The following ANO10 variants were observed in gnomAD, a reference collection of about 807,000 sequenced individuals.
The protein encoded by ANO10 is anoctamin 10, also known as anoctamin-10.
Under a neutral mutation model 74.7 loss-of-function variants are expected in ANO10, and 77 were observed. The observed-to-expected ratio is 1.03, with a 90% CI of 0.86 to 1.25. ANO10 has a LOEUF of 1.25. ANO10 is among the 50% of genes most tolerant of loss of function. The probability of loss-of-function intolerance (pLI) is 0.00; values close to 1 mark genes in which losing one functional copy is unlikely to be tolerated. For synonymous variants in ANO10, 279 were observed against 284.9 expected (o/e 0.98, Z 0.21); for missense variants, 721 against 778.1 (o/e 0.93, Z 0.87).
At chr3:43,642,625 T>C (rs2083681763) in intron 1 of ANO10, among the ~76,000 whole-genome samples, 1 of 152,142 alleles carries the variant, frequency 6.6e-6, no homozygotes, top group Admixed American at 6.6e-5. Flanking sequence ...CACGAAAAGG[T>C]AACCAAACCC....
intron 8 of ANO10, among the ~76,000 whole-genome samples, chr3:43,561,731 T>A (rs2080046484): frequency 6.6e-6 from 1 of 152,168 alleles, no homozygotes; most frequent in Non-Finnish European, 1.5e-5. Context: ...AATAAATGTT[T>A]GAGAGGATGG....
At chr3:43,579,343 T>G (rs1418216142) in intron 5 of ANO10, among the ~76,000 whole-genome samples, 2 of 152,228 alleles carry the variant, frequency 1.3e-5, no homozygotes, top group African/African-American at 4.8e-5. Context: ...ATAGCTTGTT[T>G]CATTCTAAAT....
chr3:43,581,069 C>T (rs2081243618), intron 4 of ANO10, among the ~76,000 whole-genome samples: 1 of 152,026 alleles, frequency 6.6e-6, no homozygotes, highest in Non-Finnish European at 1.5e-5. Context: ...CTACTATTTC[C>T]TTAGTAAATA....
At chr3:43,439,874 C>T (rs547898119) in intron 11 of ANO10, among the ~76,000 whole-genome samples, 2 of 151,834 alleles carry the variant, frequency 1.3e-5, no homozygotes, top group African/African-American at 2.4e-5. Context: ...AGAGTGAGAC[C>T]CTGTCTCAAA....
chr3:43,438,098 AAAAG>A (rs2093100116), intron 11 of ANO10, among the ~76,000 whole-genome samples: 1 of 152,144 alleles, frequency 6.6e-6, no homozygotes, highest in African/African-American at 2.4e-5. Context: ...GAAACTGTAA[AAAAG>A]AACCCAACAG....
intron 11 of ANO10, among the ~76,000 whole-genome samples, chr3:43,449,128 TG>T (rs959660613): frequency 5.3e-5 from 8 of 152,112 alleles, no homozygotes; most frequent in African/African-American, 1.9e-4. Flanking sequence ...CCACCCACCT[TG>T]GCCTCCCAAA....
chr3:43,683,578 A>G (rs888545748), intron 1 of ANO10, among the ~76,000 whole-genome samples: 1 of 152,198 alleles, frequency 6.6e-6, no homozygotes, highest in African/African-American at 2.4e-5. Context: ...GGAAAAAAAT[A>G]CTTTAAAGTT....
chr3:43,570,366 G>A (rs1373444431), intron 7 of ANO10, among the ~76,000 whole-genome samples: 7 of 151,480 alleles, frequency 4.6e-5, no homozygotes, highest in African/African-American at 1.5e-4. Flanking sequence ...AAAAGAGCCC[G>A]CATCGCCAAG....
chr3:43,509,867 A>G (rs569536133), intron 11 of ANO10, among the ~76,000 whole-genome samples: 5 of 152,246 alleles, frequency 3.3e-5, no homozygotes, highest in South Asian at 2.1e-4. Context: ...AATCAGCAAT[A>G]AAAAGGAATA....
chr3:43,395,580 T>G (rs2092361290), intron 12 of ANO10, among the ~76,000 whole-genome samples: 1 of 152,188 alleles, frequency 6.6e-6, no homozygotes, highest in Non-Finnish European at 1.5e-5. Flanking sequence ...TTGTCAAAAA[T>G]CAGTAGTACA....
intron 10 of ANO10, among the ~76,000 whole-genome samples, chr3:43,554,531 G>T (rs1361570545): frequency 2.6e-5 from 4 of 152,114 alleles, no homozygotes; most frequent in African/African-American, 9.7e-5. Context: ...GGACATGTTA[G>T]GAGAGATAAG....
intron 11 of ANO10, among the ~76,000 whole-genome samples, chr3:43,456,147 C>T (rs1021042701): frequency 1.2e-4 from 18 of 152,092 alleles, no homozygotes; most frequent in Admixed American, 3.3e-4. Flanking sequence ...GCAGGTACGG[C>T]GGTCACCAAC....
At chr3:43,505,754 C>G (rs541374910) in intron 11 of ANO10, among the ~76,000 whole-genome samples, 4 of 152,244 alleles carry the variant, frequency 2.6e-5, no homozygotes, top group African/African-American at 7.2e-5. Context: ...CTGCAGTTTT[C>G]ACATCATTTA....
intron 1 of ANO10, among the ~76,000 whole-genome samples, chr3:43,608,570 C>A (rs1481906546): frequency 6.6e-6 from 1 of 152,052 alleles, no homozygotes; most frequent in Non-Finnish European, 1.5e-5. Context: ...CTGCACATGG[C>A]CTTTGTTTTG....
intron 2 of ANO10, among the ~76,000 whole-genome samples, chr3:43,605,461 G>A (rs576583549): frequency 1.8e-4 from 27 of 152,256 alleles, no homozygotes; most frequent in African/African-American, 6.5e-4. Context: ...ACTATTTAGA[G>A]CTGTGAAGAA....
chr3:43,609,537 A>G (rs115111850), intron 1 of ANO10, among the ~76,000 whole-genome samples: 5,944 of 152,318 alleles, frequency 0.039, 164 homozygotes, highest in Non-Finnish European at 0.058. Context: ...AATTCCAACC[A>G]TTTACGGTCA....
intron 1 of ANO10, among the ~76,000 whole-genome samples, chr3:43,618,791 A>G (rs967442111): frequency 2.0e-5 from 3 of 152,136 alleles, no homozygotes; most frequent in African/African-American, 4.8e-5. Flanking sequence ...AAGGCACCTT[A>G]TTAGTTATAC....
At chr3:43,600,660 G>T in intron 2 of ANO10, 79 bp from the exon 3 acceptor site, 1 of 1,224,932 alleles carries the variant, frequency 8.2e-7, no homozygotes, top group Non-Finnish European at 1.2e-6. Flanking sequence ...TAAATATAAT[G>T]TTTCTAGTCT....
intron 11 of ANO10, among the ~76,000 whole-genome samples, chr3:43,466,692 G>C (rs2075642134): frequency 1.3e-5 from 2 of 151,932 alleles, no homozygotes; most frequent in Non-Finnish European, 2.9e-5. Context: ...AGGACCTTAG[G>C]GTAACCAAAG....
Sources: gnomAD v4.1 joint callset for allele counts (sites outside exome capture counted in the v4.1 genomes callset) on GRCh38, gnomAD v4.1.1 for gene constraint, MANE v1.5 for transcripts, NCBI Gene and HGNC (gene_info 2026-07-23, HGNC 2026-07-21) for gene names.